EYS: variants seen among roughly 807,000 people sequenced by gnomAD.
EYS encodes protein eyes shut homolog.
Under a neutral mutation model 282.1 loss-of-function variants are expected in EYS, and 250 were observed. The observed-to-expected ratio is 0.89, with a 90% CI of 0.80 to 0.98. The LOEUF (loss-of-function observed/expected upper bound fraction) is 0.98, where lower values mean the gene tolerates loss of function less well. Among genes scored for constraint, EYS ranks in the 50% least tolerant of loss-of-function variants. EYS has a pLI of 0.00. For missense variants in EYS, 4,016 were observed against 3,709.0 expected (o/e 1.08, Z -2.15); for synonymous variants, 1,355 against 1,282.9 (o/e 1.06, Z -1.20).
rs201575802 is a variant in EYS at position 65,400,862 on chromosome 6, G to GAA, written c.1184+1614_1184+1615dup. Among the ~76,000 whole-genome samples the GAA allele has an allele frequency of 4.1e-3, 619 of 151,894 alleles. 5 individuals carry two copies. The highest frequency in any genetic ancestry group is 0.014 in the African/African-American group (586 of 41,472). On this transcript the variant is annotated intron_variant, in intron 7 of 42. Transcript: ENST00000503581. ...AATTCAGAAGAGTAAAACTTCAGTA[G>GAA]AAGAGTAGTTAAACTAGTTGGAAGG...
At position 65,174,923 on chromosome 6, in the gene EYS, C is replaced by T. The variant is rs148233269; in HGVS notation, c.2024-117196G>A. Among the ~76,000 whole-genome samples, 719 of 151,374 alleles carry T rather than the reference C, an allele frequency of 4.7e-3. 4 individuals are homozygous for T. Among genetic ancestry groups the T allele is most frequent in the African/African-American group, 0.015 (635 of 41,460 alleles). ...ATTCACTCATGTAAAAATATGACAT[C>T]TATTTTTTTCTTAAACTAAGATTAT... On this transcript the variant is annotated intron_variant, in intron 12 of 42. Coordinates refer to ENST00000503581, the MANE Select transcript of EYS (RefSeq NM_001142800.2).
chr6:63,950,774 C>G (rs2149765194), intron 35 of EYS, among the ~76,000 whole-genome samples: 1 of 152,270 alleles, frequency 6.6e-6, no homozygotes, highest in Admixed American at 6.5e-5. Flanking sequence ...TCTCCAACCT[C>G]TCTATCCCTC....
At chr6:63,798,912 T>C (rs1253039449) in intron 37 of EYS, among the ~76,000 whole-genome samples, 3 of 148,340 alleles carry the variant, frequency 2.0e-5, no homozygotes, top group African/African-American at 5.0e-5. Context: ...AGATCAAATT[T>C]CCAGGAAGTC....
intron 41 of EYS, among the ~76,000 whole-genome samples, chr6:63,736,268 G>A (rs1259485705): frequency 2.6e-5 from 4 of 152,130 alleles, no homozygotes; most frequent in Non-Finnish European, 4.4e-5. Flanking sequence ...TTTGTATAAG[G>A]TGTAAGGAAG....
At chr6:65,526,593 C>T (rs1767573033) in intron 2 of EYS, among the ~76,000 whole-genome samples, 1 of 152,088 alleles carries the variant, frequency 6.6e-6, no homozygotes, top group African/African-American at 2.4e-5. Context: ...ATCACGAGGT[C>T]AGGAGATTGA....
chr6:64,968,474 A>G (rs979292912), intron 14 of EYS, among the ~76,000 whole-genome samples: 4 of 152,218 alleles, frequency 2.6e-5, no homozygotes, highest in African/African-American at 9.6e-5. Context: ...TTTCTGATCT[A>G]AAACCTTTGT....
chr6:64,536,366 A>G (rs142689660), intron 26 of EYS, among the ~76,000 whole-genome samples: 45 of 152,334 alleles, frequency 3.0e-4, no homozygotes, highest in Admixed American at 2.6e-4. Context: ...CTTAACTGTC[A>G]GCAGGAATTC....
chr6:65,478,192 T>C (rs1765477842), intron 5 of EYS, among the ~76,000 whole-genome samples: 1 of 151,980 alleles, frequency 6.6e-6, no homozygotes, highest in Non-Finnish European at 1.5e-5. Context: ...GAAGATATAA[T>C]ATATGAATGA....
At position 64,337,988 on chromosome 6, in the gene EYS, T is replaced by C. The variant is rs143777197; in HGVS notation, c.6079-30906A>G. Among the ~76,000 whole-genome samples, 295 of 152,120 alleles carry C rather than the reference T, an allele frequency of 1.9e-3. 1 individual carries two copies. Among genetic ancestry groups the C allele is most frequent in the African/African-American group, 6.5e-3 (272 of 41,530 alleles). On this transcript the variant is annotated intron_variant, in intron 29 of 42. Transcript: ENST00000503581. ...ATACAAGGGACACACCTTAGTGTAA[T>C]AAAAGCCATTTATGACAAACCCACA...
At chr6:64,502,273 C>A (rs576551217) in intron 26 of EYS, among the ~76,000 whole-genome samples, 1 of 151,990 alleles carries the variant, frequency 6.6e-6, no homozygotes, top group African/African-American at 2.4e-5. Context: ...CGGAGTCTCC[C>A]TCTGTCGCCC....
intron 31 of EYS, among the ~76,000 whole-genome samples, chr6:64,148,967 T>C (rs1314238960): frequency 6.6e-6 from 1 of 152,194 alleles, no homozygotes. Flanking sequence ...TGTCATAGCC[T>C]CGATATTAGA....
chr6:65,318,900 C>T (rs1331420261), intron 11 of EYS, among the ~76,000 whole-genome samples: 4 of 150,202 alleles, frequency 2.7e-5, no homozygotes, highest in African/African-American at 9.7e-5. Flanking sequence ...CCTTGGCCTG[C>T]GAAAGTGCTG....
intron 31 of EYS, among the ~76,000 whole-genome samples, chr6:64,175,751 CG>C (rs1306967985): frequency 1.4e-4 from 21 of 152,064 alleles, no homozygotes; most frequent in African/African-American, 5.1e-4. Context: ...CACGCAATCT[CG>C]GTCACCCCAA....
chr6:64,329,983 C>T (rs1177715764), intron 29 of EYS, among the ~76,000 whole-genome samples: 1 of 152,060 alleles, frequency 6.6e-6, no homozygotes, highest in East Asian at 1.9e-4. Context: ...TATACTTGGA[C>T]CAGACTCCAC....
At chr6:64,747,702 A>G (rs1772604576) in intron 22 of EYS, among the ~76,000 whole-genome samples, 1 of 152,098 alleles carries the variant, frequency 6.6e-6, no homozygotes, top group African/African-American at 2.4e-5. Context: ...TAGCGCCTTC[A>G]TTTCTCTCTC....
At chr6:63,848,652 C>G (rs796413731) in intron 36 of EYS, among the ~76,000 whole-genome samples, 17 of 152,162 alleles carry the variant, frequency 1.1e-4, no homozygotes, top group African/African-American at 4.1e-4. Context: ...CTATCTGGCC[C>G]AGATACTATG....
intron 31 of EYS, among the ~76,000 whole-genome samples, chr6:64,150,770 A>AG (rs1367302937): frequency 6.6e-6 from 1 of 152,182 alleles, no homozygotes; most frequent in Non-Finnish European, 1.5e-5. Flanking sequence ...CCAAGGAAGG[A>AG]GAATTGCTTG....
At chr6:64,705,985 T>A (rs1244622462) in intron 22 of EYS, among the ~76,000 whole-genome samples, 1 of 146,858 alleles carries the variant, frequency 6.8e-6, no homozygotes, top group Non-Finnish European at 1.5e-5. Context: ...TTAAGTATAA[T>A]AATTAAAAAT....
At chr6:65,055,805 A>G (rs1383046298) in intron 13 of EYS, among the ~76,000 whole-genome samples, 1 of 152,088 alleles carries the variant, frequency 6.6e-6, no homozygotes, top group African/African-American at 2.4e-5. Context: ...TCATATCAAA[A>G]GTTTAGGTTA....
Sources: allele counts gnomAD v4.1 joint callset (sites outside exome capture counted in the v4.1 genomes callset), GRCh38; gene constraint gnomAD v4.1.1; transcripts MANE v1.5; gene names NCBI Gene and HGNC (gene_info 2026-07-23, HGNC 2026-07-21).